The following IL27RA variants were observed in gnomAD, a reference collection of about 807,000 sequenced individuals.
The protein encoded by IL27RA is interleukin-27 receptor subunit alpha.
In IL27RA, 61 loss-of-function variants were observed where a neutral mutation model predicts 80.8. The observed-to-expected ratio is 0.76, with a 90% CI of 0.61 to 0.93. The LOEUF is 0.93. IL27RA is among the 40% of genes least tolerant of loss of function. The pLI, the probability that IL27RA is intolerant of heterozygous loss-of-function variation, is 0.00. For synonymous variants in IL27RA, 316 were observed against 332.5 expected, an observed-to-expected ratio of 0.95 and a Z score of 0.54; for missense variants, 735 against 808.1, an observed-to-expected ratio of 0.91 and a Z score of 1.10.
At chr19:14,037,991 C>T (rs1483685665) in intron 2 of IL27RA, among the ~76,000 whole-genome samples, 1 of 151,826 alleles carries the variant, frequency 6.6e-6, no homozygotes, top group Non-Finnish European at 1.5e-5. Context: ...CCACCACGTC[C>T]AGCTAATTTT....
At chr19:14,032,062 G>C in intron 1 of IL27RA, 90 bp downstream of exon 1, 1 of 1,169,042 alleles carries the variant, frequency 8.6e-7, no homozygotes, top group Non-Finnish European at 1.2e-6. Context: ...CGCGTATGCA[G>C]AGCGAACGGT....
chr19:14,044,538 C>T (rs996038705), intron 6 of IL27RA, among the ~76,000 whole-genome samples: 7 of 151,900 alleles, frequency 4.6e-5, no homozygotes, highest in South Asian at 2.1e-4. Context: ...CGTGCCTGGC[C>T]GATATTTTAA....
chr19:14,051,948 G>A lies in IL27RA; in HGVS notation c.1691G>A (p.Ser564Asn). 1 of 1,587,866 alleles carries A rather than the reference G, an allele frequency of 6.3e-7. No individual in the cohort carries two copies. Among genetic ancestry groups the A allele is most frequent in the Non-Finnish European group, 8.6e-7 (1 of 1,166,106 alleles). Reference sequence around the variant, plus strand: ...GAGAAAGTTCCTGATCCTGCCAACAGCAGTTCAGGCCAGCCCCACATGGAG... The same window carrying A: ...GAGAAAGTTCCTGATCCTGCCAACAACAGTTCAGGCCAGCCCCACATGGAG... ...VWEKVPDPAN[S>N]SSGQPHMEQV... The change falls in exon 13 of 14, where the codon AGC (serine) becomes AAC (asparagine). Residue 564 changes from serine to asparagine, a missense_variant. Coordinates refer to ENST00000263379, the MANE Select transcript of IL27RA (RefSeq NM_004843.4).
chr19:14,039,160 G>A (rs1057234981), intron 2 of IL27RA, among the ~76,000 whole-genome samples: 9 of 151,590 alleles, frequency 5.9e-5, no homozygotes, highest in Non-Finnish European at 1.0e-4. Flanking sequence ...GGTGGCACAC[G>A]CCTATAATTC....
At chr19:14,037,834 C>CTCTTTTTTTTTTTTTT (rs77898584) in intron 2 of IL27RA, among the ~76,000 whole-genome samples, 1 of 129,420 alleles carries the variant, frequency 7.7e-6, no homozygotes, top group Non-Finnish European at 1.6e-5. Flanking sequence ...CTCTCTCTCT[C>CTCTTTTTTTTTTTTTT]TTTTTTTTTT....
chr19:14,033,637 C>G (rs1447898857), intron 2 of IL27RA, among the ~76,000 whole-genome samples: 2 of 151,064 alleles, frequency 1.3e-5, no homozygotes, highest in African/African-American at 4.9e-5. Context: ...TGCACTCCAG[C>G]CTGGGTGACA....
At chr19:14,035,196 C>T (rs1975880304) in intron 2 of IL27RA, among the ~76,000 whole-genome samples, 1 of 151,874 alleles carries the variant, frequency 6.6e-6, no homozygotes, top group South Asian at 2.1e-4. Flanking sequence ...AGGGTTTTAC[C>T]ATGTTGCCCA....
At chr19:14,032,099 C>T (rs961562478) in intron 1 of IL27RA, 127 bp downstream of exon 1, 3 of 870,556 alleles carry the variant, frequency 3.4e-6, no homozygotes. Context: ...CTCGGCTCCT[C>T]CCGGGGCAGG....
At chr19:14,051,154 G>A (rs1165112771) in intron 11 of IL27RA, among the ~76,000 whole-genome samples, 1 of 152,108 alleles carries the variant, frequency 6.6e-6, no homozygotes, top group Non-Finnish European at 1.5e-5. Flanking sequence ...AGAAGCTGAG[G>A]CTCGAGGATC....
chr19:14,034,192 A>C (rs1049337071), intron 2 of IL27RA, among the ~76,000 whole-genome samples: 23 of 152,154 alleles, frequency 1.5e-4, no homozygotes, highest in African/African-American at 5.3e-4. Context: ...AGAGGTAGAC[A>C]GAAAGCCCTG....
chr19:14,041,930 G>A (rs528259437), intron 4 of IL27RA, among the ~76,000 whole-genome samples: 40 of 152,168 alleles, frequency 2.6e-4, no homozygotes, highest in African/African-American at 9.4e-4. Flanking sequence ...GCTGGGCTTG[G>A]TGGCTCACAC....
chr19:14,041,550 C>G lies in IL27RA; in HGVS notation c.535-903C>G, dbSNP rs555624323. 2.0e-5 allele frequency among the ~76,000 whole-genome samples: 3 copies of G among 152,288 alleles called. No individual in the cohort carries two copies. The East Asian group carries it at 5.8e-4, about 29-fold the overall frequency. ...TACCTCAGTGCTCAGCTCCAGCACA[C>G]CAGCTCTGTGACCTTGGGCTAGTCA... On this transcript the variant is annotated intron_variant, in intron 4 of 13. Transcript: ENST00000263379.
At chr19:14,048,841 G>A in intron 8 of IL27RA, 140 bp from the exon 9 acceptor site, 2 of 758,968 alleles carry the variant, frequency 2.6e-6, no homozygotes, top group South Asian at 1.5e-5. Context: ...GGGGTTTTCT[G>A]GGATTACCTC....
intron 11 of IL27RA, among the ~76,000 whole-genome samples, chr19:14,051,157 C>G (rs1185801038): frequency 6.6e-6 from 1 of 151,830 alleles, no homozygotes; most frequent in African/African-American, 2.4e-5. Context: ...AGCTGAGGCT[C>G]GAGGATCGCT....
At chr19:14,040,769 A>G (rs1975977615) in intron 4 of IL27RA, among the ~76,000 whole-genome samples, 1 of 151,648 alleles carries the variant, frequency 6.6e-6, no homozygotes, top group Non-Finnish European at 1.5e-5. Flanking sequence ...GGTTGCAGTG[A>G]GCTGAGATCG....
chr19:14,032,301 T>G (rs970443553), intron 1 of IL27RA, 85 bp from the exon 2 acceptor site: 2 of 1,038,002 alleles, frequency 1.9e-6, no homozygotes, highest in Non-Finnish European at 2.9e-6. Context: ...CACCTTGCAA[T>G]TGTCAGAAGT....
In IL27RA at chr19:14,052,233, G is replaced by A. The variant is rs1383428602; in HGVS notation, c.1854G>A (p.Leu618=). 5 of 1,585,806 alleles carry A rather than the reference G, an allele frequency of 3.2e-6. No individual in the cohort carries two copies. The highest frequency in any genetic ancestry group is 2.2e-5 in the East Asian group (1 of 44,740). ...PLDSGYEKHF[L]PTPEELGLLG... ...ACTCTGGGTATGAGAAGCACTTCCT[G>A]CCCACACCTGAGGAGCTGGGCCTTC... Residue 618 remains leucine (L), a synonymous_variant, in exon 14 of 14, where the codon CTG becomes CTA. Coordinates refer to ENST00000263379, the MANE Select transcript of IL27RA (RefSeq NM_004843.4).
chr19:14,049,576 G>A (rs1465587519), intron 10 of IL27RA, among the ~76,000 whole-genome samples: 1 of 151,590 alleles, frequency 6.6e-6, no homozygotes, highest in East Asian at 1.9e-4. Context: ...TCCGTGGTAT[G>A]GTTCCATTTT....
chr19:14,038,685 G>A (rs1342381687), intron 2 of IL27RA, among the ~76,000 whole-genome samples: 1 of 151,898 alleles, frequency 6.6e-6, no homozygotes, highest in South Asian at 2.1e-4. Context: ...GGGAGTTCGA[G>A]ACCAGCCTGA....
Sources: gnomAD v4.1 joint callset for allele counts (sites outside exome capture counted in the v4.1 genomes callset) on GRCh38, gnomAD v4.1.1 for gene constraint, MANE v1.5 for transcripts, NCBI Gene and HGNC (gene_info 2026-07-23, HGNC 2026-07-21) for gene names.